The following DOCK8 variants were observed in gnomAD, a reference collection of about 807,000 sequenced individuals.
The protein encoded by DOCK8 is dedicator of cytokinesis protein 8.
Under a neutral mutation model 245.6 loss-of-function variants are expected in DOCK8, and 141 were observed. That is an observed-to-expected ratio of 0.57 (90% CI 0.50 to 0.66). The LOEUF (loss-of-function observed/expected upper bound fraction) is 0.66. Ranked by LOEUF, DOCK8 falls within the 30% of genes least tolerant of loss-of-function variation. The pLI is 0.00. For missense variants in DOCK8, 2,965 were observed against 2,603.4 expected (o/e 1.14, Z -3.02); for synonymous variants, 1,168 against 970.2 (o/e 1.20, Z -3.79).
At chr9:316,598 C>T (rs1456643816) in intron 6 of DOCK8, among the ~76,000 whole-genome samples, 3 of 152,114 alleles carry the variant, frequency 2.0e-5, no homozygotes, top group Non-Finnish European at 2.9e-5. Flanking sequence ...TGGTTTACAG[C>T]CTTAAGTGAA....
At chr9:425,488 C>T (rs558535679) in intron 33 of DOCK8, among the ~76,000 whole-genome samples, 6 of 144,596 alleles carry the variant, frequency 4.1e-5, no homozygotes, top group East Asian at 2.0e-4. Flanking sequence ...GCCAAGATTG[C>T]GCCACTGCAC....
intron 20 of DOCK8, 70 bp downstream of exon 20, chr9:377,281 G>A: frequency 7.1e-7 from 1 of 1,408,352 alleles, no homozygotes; most frequent in East Asian, 2.5e-5. Flanking sequence ...AATGAAAAAT[G>A]ACTTTCCAGA....
intron 7 of DOCK8, among the ~76,000 whole-genome samples, chr9:323,900 C>G (rs1161604242): frequency 6.6e-6 from 1 of 152,194 alleles, no homozygotes; most frequent in African/African-American, 2.4e-5. Flanking sequence ...GTTATGGCCT[C>G]ATATATGTAT....
At chr9:293,513 A>G (rs573217368) in intron 4 of DOCK8, among the ~76,000 whole-genome samples, 23 of 152,380 alleles carry the variant, frequency 1.5e-4, no homozygotes, top group African/African-American at 5.3e-4. Flanking sequence ...TGATGCTTTC[A>G]TAGATAAGCC....
chr9:426,920 G>A lies in DOCK8; in HGVS notation c.4277G>A (p.Ser1426Asn), dbSNP rs779180930. The A allele has an allele frequency of 1.2e-6, 2 of 1,614,036 alleles. No homozygotes were observed. The highest frequency in any genetic ancestry group is 2.2e-5 in the East Asian group (1 of 44,894). The change falls in exon 34 of 48, where the codon AGT becomes AAT. Residue 1426 changes from serine to asparagine, a missense_variant. By Grantham distance (46) the Ser-to-Asn change is conservative. Transcript: ENST00000432829. ...KAELDQEALI[S>N]GNLATEAHLI... Reference sequence around the variant, plus strand: ...GAGTTAGATCAAGAAGCCTTGATCAGTGGCAATCTGGCTACAGAAGCACAT... The same window carrying A: ...GAGTTAGATCAAGAAGCCTTGATCAATGGCAATCTGGCTACAGAAGCACAT...
Position 273,188 on chromosome 9 carries a change from T to C in DOCK8, c.156+1459T>C, listed in dbSNP as rs546662687. ...ATGAAATAGTAGTACGAAAAACCTA[T>C]AGCATCTTTTACTGCAGGAGGTAAC... On this transcript the variant is annotated intron_variant, in intron 2 of 47. Transcript: ENST00000432829. 1.4e-3 allele frequency: 1,315 copies of C among 913,894 alleles called. 11 individuals carry two copies. The African/African-American group carries it at 0.02, about 14-fold the overall frequency. 56.6% of individuals were successfully genotyped at this position (913,894 alleles called of 1,614,324 possible). A position where few individuals can be genotyped will look rare whatever the true frequency, so the allele number is the denominator to read the frequency against.
chr9:387,484 C>T (rs1182680665), intron 23 of DOCK8, among the ~76,000 whole-genome samples: 2 of 151,560 alleles, frequency 1.3e-5, no homozygotes, highest in Non-Finnish European at 2.9e-5. Flanking sequence ...ATGCTTATTG[C>T]AAAGGATAAC....
At chr9:379,686 C>T (rs936989225) in intron 20 of DOCK8, 85 bp from the exon 21 acceptor site, 2 of 1,463,608 alleles carry the variant, frequency 1.4e-6, no homozygotes, top group African/African-American at 2.8e-5. Context: ...GGTCAGGACT[C>T]ATTGTCACTG....
rs1438794946 is a variant in DOCK8, at chr9:448,430, G to A, written c.5818-1354G>A. 2.6e-5 allele frequency among the ~76,000 whole-genome samples: 4 copies of A among 152,238 alleles called. No homozygotes were observed. The East Asian group carries it at 5.8e-4, about 22-fold the overall frequency. On this transcript the variant is annotated intron_variant, in intron 44 of 47. Coordinates refer to ENST00000432829, the MANE Select transcript of DOCK8 (RefSeq NM_203447.4). The stretch of plus-strand genomic sequence containing the variant: ...CCTGAAGTTTTCTTGGCCTTCCTTC[G>A]TTCCCCAACAACCTCAACAACAGTT...
chr9:356,079 A>G (rs978881575), intron 14 of DOCK8, among the ~76,000 whole-genome samples: 6 of 152,360 alleles, frequency 3.9e-5, no homozygotes, highest in Admixed American at 3.3e-4. Flanking sequence ...ATCCCTATAC[A>G]GAAACCACAA....
At chr9:448,003 A>G (rs1228440280) in intron 44 of DOCK8, among the ~76,000 whole-genome samples, 1 of 129,698 alleles carries the variant, frequency 7.7e-6, no homozygotes, top group African/African-American at 2.5e-5. Flanking sequence ...GCCCAAAAGC[A>G]TTTCAAAACC....
intron 38 of DOCK8, 85 bp downstream of exon 38, chr9:434,060 A>C (rs1020897170): frequency 2.1e-6 from 2 of 943,942 alleles, no homozygotes; most frequent in Non-Finnish European, 3.5e-6. Flanking sequence ...TAATGATCAC[A>C]GCTAACATGG....
rs191606860 is a variant in DOCK8 at position 451,486 on chromosome 9, A to G, written c.5962-525A>G. Among the ~76,000 whole-genome samples the G allele has an allele frequency of 2.5e-3, 386 of 151,940 alleles. 1 individual carries two copies. Among genetic ancestry groups the G allele is most frequent in the African/African-American group, 8.6e-3 (355 of 41,434 alleles). ...AAAAAATACAAAAATAGCCAGGTAT[A>G]GTGGCACACACCTGTAGTCTCAGCT... On this transcript the variant is annotated intron_variant, in intron 45 of 47. Transcript: ENST00000432829.
intron 14 of DOCK8, among the ~76,000 whole-genome samples, chr9:343,744 G>A (rs2051725340): frequency 6.6e-6 from 1 of 152,162 alleles, no homozygotes; most frequent in Non-Finnish European, 1.5e-5. Flanking sequence ...GAAGATGAAG[G>A]CATGAAAATG....
chr9:220,733 CT>C, intron 1 of DOCK8: 2 of 242,562 alleles, frequency 8.2e-6, no homozygotes, highest in Non-Finnish European at 1.5e-5. Context: ...TTTTTTTTTT[CT>C]TTTTTTGAGA....
chr9:333,230 C>G (rs2051110501), intron 10 of DOCK8, among the ~76,000 whole-genome samples: 1 of 152,212 alleles, frequency 6.6e-6, no homozygotes, highest in South Asian at 2.1e-4. Flanking sequence ...TATTCATTAG[C>G]ACAGCATAGG....
rs372070826 is a variant in DOCK8 at position 343,888 on chromosome 9, A to G, written c.1679+3567A>G. ...ACTTCCCCTCAGCATTTAATCACCCACAGGTGGCATTTACAATGTTCTCTA... is the reference window on the plus strand; with the variant it reads ...ACTTCCCCTCAGCATTTAATCACCCGCAGGTGGCATTTACAATGTTCTCTA... On this transcript the variant is annotated intron_variant, in intron 14 of 47. Coordinates refer to ENST00000432829, the MANE Select transcript of DOCK8 (RefSeq NM_203447.4). Among the ~76,000 whole-genome samples, 6 of 152,332 alleles carry G rather than the reference A, an allele frequency of 3.9e-5. No individual in the cohort carries two copies. The East Asian group carries it at 9.6e-4, about 24-fold the overall frequency.
At chr9:462,341 G>A (rs898089690) in intron 46 of DOCK8, among the ~76,000 whole-genome samples, 2 of 152,200 alleles carry the variant, frequency 1.3e-5, no homozygotes, top group East Asian at 3.8e-4. Context: ...ACTATGTGTG[G>A]TGCAAGCCTA....
intron 1 of DOCK8, among the ~76,000 whole-genome samples, chr9:224,743 C>T (rs1188003350): frequency 6.6e-6 from 1 of 152,168 alleles, no homozygotes; most frequent in East Asian, 1.9e-4. Context: ...CCCAGGAAGA[C>T]AAACTGGAGC....
Sources: gnomAD v4.1 joint callset for allele counts (sites outside exome capture counted in the v4.1 genomes callset) on GRCh38, gnomAD v4.1.1 for gene constraint, MANE v1.5 for transcripts, NCBI Gene and HGNC (gene_info 2026-07-23, HGNC 2026-07-21) for gene names.